CGNL1: variants seen among roughly 807,000 people sequenced by gnomAD.
CGNL1 encodes cingulin-like protein 1.
A neutral mutation model predicts 141.2 loss-of-function variants in CGNL1; 132 were observed. The observed-to-expected ratio is 0.93, with a 90% CI of 0.81 to 1.08. The LOEUF (loss-of-function observed/expected upper bound fraction) is 1.08. Ranked by LOEUF, CGNL1 falls within the 50% of genes least tolerant of loss-of-function variation. The pLI is 0.00. For missense variants in CGNL1, 1,870 were observed against 1,588.6 expected, an observed-to-expected ratio of 1.18 and a Z score of -3.01; for synonymous variants, 690 against 622.1, an observed-to-expected ratio of 1.11 and a Z score of -1.63.
chr15:57,447,320 T>C (rs1383280986), intron 4 of CGNL1, among the ~76,000 whole-genome samples: 1 of 152,228 alleles, frequency 6.6e-6, no homozygotes, highest in Non-Finnish European at 1.5e-5. Flanking sequence ...CCTGGAGAAC[T>C]ATTTTTTGAA....
At chr15:57,508,807 T>C (rs1489906039) in intron 8 of CGNL1, among the ~76,000 whole-genome samples, 1 of 152,214 alleles carries the variant, frequency 6.6e-6, no homozygotes, top group Non-Finnish European at 1.5e-5. Flanking sequence ...TGGGAGCTTG[T>C]TAGAAATGCA....
chr15:57,500,416 G>A (rs1255433860), intron 8 of CGNL1, among the ~76,000 whole-genome samples: 4 of 152,184 alleles, frequency 2.6e-5, no homozygotes, highest in South Asian at 2.1e-4. Context: ...TTCCCGCCAC[G>A]GCTGAGATGT....
At chr15:57,544,669 A>G (rs758110795) in intron 16 of CGNL1, 72 bp downstream of exon 16, 1 of 1,529,934 alleles carries the variant, frequency 6.5e-7, no homozygotes, top group Non-Finnish European at 8.8e-7. Context: ...ATGTGTTGTC[A>G]CATTTGGGAT....
chr15:57,440,616 G>C (rs571304925), intron 3 of CGNL1, 145 bp downstream of exon 3: 18 of 660,106 alleles, frequency 2.7e-5, no homozygotes, highest in African/African-American at 2.7e-4. Context: ...TGGGGTTTTC[G>C]TGACGGCATT....
chr15:57,492,864 A>G (rs1039799275), intron 8 of CGNL1, among the ~76,000 whole-genome samples: 12 of 152,234 alleles, frequency 7.9e-5, no homozygotes, highest in South Asian at 4.1e-4. Context: ...TCATCTCTAC[A>G]TGCCTCAGGC....
intron 10 of CGNL1, among the ~76,000 whole-genome samples, chr15:57,519,861 C>T (rs1278327203): frequency 6.6e-6 from 1 of 152,194 alleles, no homozygotes; most frequent in African/African-American, 2.4e-5. Context: ...ATGGGTCTCT[C>T]AGAACCTTTC....
chr15:57,516,678 A>AT, intron 8 of CGNL1, 102 bp from the exon 9 acceptor site: 1 of 1,243,736 alleles, frequency 8.0e-7, no homozygotes, highest in Non-Finnish European at 1.1e-6. Flanking sequence ...GGCCTGGCTA[A>AT]GTGGGCACAA....
chr15:57,415,998 C>T (rs1005376617), intron 1 of CGNL1, among the ~76,000 whole-genome samples: 5 of 152,140 alleles, frequency 3.3e-5, no homozygotes, highest in African/African-American at 1.2e-4. Flanking sequence ...GTGAATGCAC[C>T]TCCTCTCTGA....
intron 14 of CGNL1, among the ~76,000 whole-genome samples, chr15:57,535,360 C>G (rs997596772): frequency 7.2e-5 from 11 of 152,138 alleles, no homozygotes; most frequent in African/African-American, 2.7e-4. Flanking sequence ...CAATAGAAAA[C>G]AGTGGATACT....
intron 8 of CGNL1, among the ~76,000 whole-genome samples, chr15:57,493,019 G>C (rs1467031127): frequency 6.6e-6 from 1 of 152,192 alleles, no homozygotes; most frequent in Non-Finnish European, 1.5e-5. Flanking sequence ...AAGGGGACGA[G>C]TCTAGCTGCT....
At chr15:57,454,378 G>A (rs2063355221) in intron 7 of CGNL1, among the ~76,000 whole-genome samples, 1 of 152,270 alleles carries the variant, frequency 6.6e-6, no homozygotes, top group South Asian at 2.1e-4. Context: ...CCCTCTTTGG[G>A]CTTAGGTGTT....
chr15:57,404,140 C>A (rs1334933825), intron 1 of CGNL1, among the ~76,000 whole-genome samples: 2 of 152,230 alleles, frequency 1.3e-5, no homozygotes, highest in African/African-American at 4.8e-5. Context: ...TTCTTATTAA[C>A]CAAGCCCAGA....
At chr15:57,418,939 T>G (rs1415722846) in intron 1 of CGNL1, among the ~76,000 whole-genome samples, 1 of 152,004 alleles carries the variant, frequency 6.6e-6, no homozygotes, top group East Asian at 1.9e-4. Flanking sequence ...GTGCCTTTTT[T>G]TTTTTTGAGA....
intron 8 of CGNL1, among the ~76,000 whole-genome samples, chr15:57,465,549 C>T (rs2063501474): frequency 6.6e-6 from 1 of 151,948 alleles, no homozygotes; most frequent in African/African-American, 2.4e-5. Flanking sequence ...CGCCACCACA[C>T]CTGACTAATT....
intron 1 of CGNL1, among the ~76,000 whole-genome samples, chr15:57,423,802 A>G (rs1235690024): frequency 6.6e-6 from 1 of 151,964 alleles, no homozygotes; most frequent in East Asian, 1.9e-4. Context: ...TAGAGCATAG[A>G]TCCTCATTCT....
Position 57,468,560 on chromosome 15 carries a change from G to A in CGNL1, c.2403+6668G>A, listed in dbSNP as rs1488027848. On this transcript the variant is annotated intron_variant, in intron 8 of 18. Transcript: ENST00000281282. The stretch of plus-strand genomic sequence containing the variant: ...AAGTTTTCTTTGGTAAAAAGTTTGC[G>A]TGTGTGTGTGTGTGTGTGTGTGTGT... 1.3e-4 allele frequency among the ~76,000 whole-genome samples: 6 copies of A among 44,818 alleles called. No homozygotes were observed. In the South Asian group the frequency reaches 2.4e-3, roughly 18 times the overall value. The allele number at this position is 44,818 out of a possible 152,430, so 29.4% of individuals were successfully genotyped here.
Position 57,534,875 on chromosome 15 carries a change from G to A in CGNL1, c.3291+3096G>A, listed in dbSNP as rs115386200. 8.9e-3 allele frequency among the ~76,000 whole-genome samples: 1,350 copies of A among 152,286 alleles called. 26 individuals are homozygous for A. The highest frequency in any genetic ancestry group is 0.031 in the African/African-American group (1,295 of 41,542). On this transcript the variant is annotated intron_variant, in intron 14 of 18. Transcript: ENST00000281282. ...TGATCTTGTTCTCTTTAAATTAAAA[G>A]GTTCAAACTTAACAGCTTTCTCCTT... is the stretch of plus-strand genomic sequence containing the variant.
intron 9 of CGNL1, 72 bp from the exon 10 acceptor site, chr15:57,518,321 T>G: frequency 8.7e-7 from 1 of 1,145,850 alleles, no homozygotes; most frequent in Non-Finnish European, 1.3e-6. Context: ...CGGTGTTCAT[T>G]TAATTCCATT....
chr15:57,530,120 C>T (rs1401026796), intron 13 of CGNL1, among the ~76,000 whole-genome samples: 1 of 152,214 alleles, frequency 6.6e-6, no homozygotes, highest in East Asian at 1.9e-4. Context: ...GAGTAATGGC[C>T]CTGGCCGGCA....
Sources: gnomAD v4.1 joint callset for allele counts (sites outside exome capture counted in the v4.1 genomes callset) on GRCh38, gnomAD v4.1.1 for gene constraint, MANE v1.5 for transcripts, NCBI Gene and HGNC (gene_info 2026-07-23, HGNC 2026-07-21) for gene names.